The following TMC1 variants were observed in gnomAD, a reference collection of about 807,000 sequenced individuals.
TMC1 encodes the protein transmembrane channel like 1, also known as transmembrane channel-like protein 1.
TMC1 carries 84 observed loss-of-function variants against 105.8 expected under a neutral mutation model. The ratio of observed to expected loss-of-function variants is 0.79; its 90% CI spans 0.67 to 0.95. The LOEUF is 0.95. Ranked by LOEUF, TMC1 falls within the 40% of genes least tolerant of loss-of-function variation. TMC1 has a pLI of 0.00. For synonymous variants in TMC1, 315 were observed against 311.5 expected, an observed-to-expected ratio of 1.01 and a Z score of -0.12; for missense variants, 817 against 914.1, an observed-to-expected ratio of 0.89 and a Z score of 1.37.
chr9:72,822,641 C>T (rs1314401046), intron 20 of TMC1, among the ~76,000 whole-genome samples: 3 of 151,472 alleles, frequency 2.0e-5, no homozygotes, highest in East Asian at 1.9e-4. Context: ...ATGAGACATT[C>T]GTCTCAATAA....
At chr9:72,531,603 A>G (rs1236578537) in intron 1 of TMC1, among the ~76,000 whole-genome samples, 2 of 152,240 alleles carry the variant, frequency 1.3e-5, no homozygotes, top group South Asian at 2.1e-4. Context: ...TCTCAGTCAC[A>G]TAAAATATTC....
intron 18 of TMC1, among the ~76,000 whole-genome samples, chr9:72,813,810 A>T (rs1456730831): frequency 6.6e-6 from 1 of 152,214 alleles, no homozygotes; most frequent in Non-Finnish European, 1.5e-5. Context: ...TTACCTAGCT[A>T]AGAAATGGTA....
chr9:72,666,295 C>T (rs931710970), intron 5 of TMC1, among the ~76,000 whole-genome samples: 3 of 151,736 alleles, frequency 2.0e-5, no homozygotes, highest in African/African-American at 7.3e-5. Context: ...AGAAAAAGTG[C>T]TTTAATATTC....
At chr9:72,793,873 G>A (rs1473894434) in intron 17 of TMC1, among the ~76,000 whole-genome samples, 2 of 152,226 alleles carry the variant, frequency 1.3e-5, no homozygotes, top group South Asian at 2.1e-4. Flanking sequence ...TAGAATTATC[G>A]ATCAAGTAGC....
intron 18 of TMC1, among the ~76,000 whole-genome samples, chr9:72,811,137 A>G (rs910909701): frequency 1.3e-5 from 2 of 152,166 alleles, no homozygotes; most frequent in African/African-American, 4.8e-5. Context: ...TTATGTAGCC[A>G]GAGAATAATA....
intron 2 of TMC1, among the ~76,000 whole-genome samples, chr9:72,603,848 GTTTTTTTTTTTTTTT>G (rs534608884): frequency 2.7e-5 from 2 of 74,006 alleles, no homozygotes; most frequent in African/African-American, 5.3e-5. Flanking sequence ...GCGACCGGCT[GTTTTTTTTTTTTTTT>G]TTTTTTTTTT....
At position 72,789,265 on chromosome 9, in the gene TMC1, A is replaced by C. The variant is rs776010914; in HGVS notation, c.1172A>C (p.Gln391Pro). ...ATCTTTTGGGCTGTGAAGCGATCCC[A>C]GGAATTTGCACAGCAAGATCCTGAC... is the stretch of plus-strand genomic sequence containing the variant. ...YLIFWAVKRS[Q>P]EFAQQDPDTL... Residue 391 changes from glutamine to proline, a missense_variant, in exon 15 of 24, where the codon CAG (glutamine) becomes CCG (proline). Gln to Pro is a moderately conservative substitution (Grantham distance 76). Transcript: ENST00000297784. The C allele has an allele frequency of 5.0e-6, 8 of 1,613,978 alleles. No homozygotes were observed. Among genetic ancestry groups the C allele is most frequent in the Non-Finnish European group, 4.2e-6 (5 of 1,179,948 alleles).
At chr9:72,804,903 T>A (rs1828545714) in intron 17 of TMC1, among the ~76,000 whole-genome samples, 1 of 152,268 alleles carries the variant, frequency 6.6e-6, no homozygotes, top group Admixed American at 6.5e-5. Flanking sequence ...TATGTTCTTC[T>A]GTGAATTTTT....
intron 2 of TMC1, among the ~76,000 whole-genome samples, chr9:72,600,822 C>T (rs1417505936): frequency 6.6e-6 from 1 of 152,208 alleles, no homozygotes; most frequent in Non-Finnish European, 1.5e-5. Context: ...CCAGAATCAT[C>T]ATGTGCGCTT....
At chr9:72,830,355 A>G in intron 21 of TMC1, 96 bp from the exon 22 acceptor site, 2 of 859,992 alleles carry the variant, frequency 2.3e-6, no homozygotes, top group Non-Finnish European at 1.9e-6. Flanking sequence ...GTTCATTCCC[A>G]TGCTGATATT....
chr9:72,833,232 C>A (rs990672170), intron 23 of TMC1, among the ~76,000 whole-genome samples: 1 of 152,172 alleles, frequency 6.6e-6, no homozygotes, highest in Non-Finnish European at 1.5e-5. Context: ...AACTATGATA[C>A]TTGTGCATAC....
At chr9:72,678,906 T>C (rs1826246906) in intron 5 of TMC1, among the ~76,000 whole-genome samples, 1 of 152,090 alleles carries the variant, frequency 6.6e-6, no homozygotes, top group Admixed American at 6.6e-5. Flanking sequence ...CTAATAATGT[T>C]ACCTTTAGTG....
intron 4 of TMC1, among the ~76,000 whole-genome samples, chr9:72,641,384 C>T (rs1041731979): frequency 5.3e-5 from 8 of 152,178 alleles, no homozygotes; most frequent in Non-Finnish European, 8.8e-5. Context: ...TGAGCCACTA[C>T]GCCCAGCCTC....
intron 8 of TMC1, among the ~76,000 whole-genome samples, chr9:72,726,332 A>G (rs1208372441): frequency 1.3e-5 from 2 of 152,216 alleles, no homozygotes; most frequent in East Asian, 3.8e-4. Flanking sequence ...ACTCATATCT[A>G]CATAATGATA....
At chr9:72,722,770 G>C (rs141684418) in intron 8 of TMC1, among the ~76,000 whole-genome samples, 131 of 152,278 alleles carry the variant, frequency 8.6e-4, no homozygotes, top group African/African-American at 3.1e-3. Context: ...GAATAGGTGA[G>C]TGAAGGACAG....
At chr9:72,649,513 C>T (rs1400833144) in intron 5 of TMC1, among the ~76,000 whole-genome samples, 1 of 152,098 alleles carries the variant, frequency 6.6e-6, no homozygotes. Context: ...TAAAGCCATC[C>T]AGCTTCAGGC....
Position 72,572,956 on chromosome 9 carries a change from C to T in TMC1, c.-427-4946C>T, listed in dbSNP as rs117559364. ...GTGGTAAGCCAAGATCACACCATTG[C>T]ACTCCAACACAGGGGACAGAGTGAG... On this transcript the variant is annotated intron_variant, in intron 1 of 23. Coordinates refer to ENST00000297784, the MANE Select transcript of TMC1 (RefSeq NM_138691.3). 8.9e-3 allele frequency among the ~76,000 whole-genome samples: 1,349 copies of T among 152,200 alleles called. 8 individuals carry two copies. The highest frequency in any genetic ancestry group is 0.015 in the Non-Finnish European group (1,015 of 68,004).
intron 4 of TMC1, among the ~76,000 whole-genome samples, chr9:72,629,872 T>A (rs550893931): frequency 6.6e-6 from 1 of 152,224 alleles, no homozygotes; most frequent in African/African-American, 2.4e-5. Context: ...TCTTTTTATT[T>A]TTTATTTTTT....
intron 2 of TMC1, among the ~76,000 whole-genome samples, chr9:72,610,713 C>A (rs755097150): frequency 1.3e-5 from 2 of 152,222 alleles, no homozygotes; most frequent in African/African-American, 2.4e-5. Context: ...AATGTCTGGG[C>A]ACCCTGTTAC....
Sources: allele counts gnomAD v4.1 joint callset (sites outside exome capture counted in the v4.1 genomes callset), GRCh38; gene constraint gnomAD v4.1.1; transcripts MANE v1.5; gene names NCBI Gene and HGNC (gene_info 2026-07-23, HGNC 2026-07-21).